The following KHDC4 variants were observed in gnomAD, a reference collection of about 807,000 sequenced individuals.
KHDC4 encodes the protein KH domain containing 4, pre-mRNA splicing factor, also known as KH homology domain-containing protein 4.
KHDC4 carries 19 observed loss-of-function variants against 74.5 expected under a neutral mutation model. That is an observed-to-expected ratio of 0.26 (90% CI 0.18 to 0.37). KHDC4 has a LOEUF of 0.37. KHDC4 is among the 10% of genes least tolerant of loss of function. The probability of loss-of-function intolerance (pLI) is 1.00; values close to 1 mark genes in which losing one functional copy is unlikely to be tolerated. For missense variants in KHDC4, 632 were observed against 754.1 expected (o/e 0.84, Z 1.90); for synonymous variants, 253 against 266.1 (o/e 0.95, Z 0.48).
intron 4 of KHDC4, among the ~76,000 whole-genome samples, chr1:155,927,833 CA>C (rs1374014371): frequency 3.0e-3 from 20 of 6,736 alleles, no homozygotes; most frequent in South Asian, 5.2e-3. Context: ...AAAAAAAAAC[CA>C]CACACACACA....
chr1:155,919,786 G>T (rs1038468775), intron 10 of KHDC4: 1 of 162,286 alleles, frequency 6.2e-6, no homozygotes, highest in African/African-American at 2.4e-5. Context: ...ACTCTAGCCT[G>T]GGTGACAGAA....
rs964096820 is a variant in KHDC4, at chr1:155,933,643, G to A, written c.245C>T (p.Ala82Val). The change falls in exon 2 of 14, where the codon GCT becomes GTT. Residue 82 changes from alanine to valine, a missense_variant. Ala to Val is a moderately conservative substitution (Grantham distance 64, BLOSUM62 0). Coordinates refer to ENST00000368321, the MANE Select transcript of KHDC4 (RefSeq NM_014949.4). ...AKGKLKPTQN[A>V]SEKLQAPGKG... ...TTCAACTTCAAATACCTTCTCAGAA[G>A]CATTCTGAGTTGGTTTCAGCTTCCC... is the stretch of plus-strand genomic sequence containing the variant. The A allele has an allele frequency of 2.5e-6, 4 of 1,603,036 alleles. No homozygotes were observed. Among genetic ancestry groups the A allele is most frequent in the Admixed American group, 3.4e-5 (2 of 59,658 alleles).
In KHDC4 at chr1:155,921,419, G is replaced by T. The variant is rs754807393; in HGVS notation, c.1222C>A (p.Gln408Lys). The change falls in exon 10 of 14, where the codon CAA becomes AAA. Residue 408 changes from glutamine to lysine, a missense_variant. Gln to Lys is a moderately conservative substitution (Grantham distance 53). Around this residue, in one of 4 missense-constraint regions of KHDC4, gnomAD observed 254 missense variants for 267.4 expected, o/e 0.95. Coordinates refer to ENST00000368321, the MANE Select transcript of KHDC4 (RefSeq NM_014949.4). ...LPTGVPPVPT[Q>K]YPITQVQPPA... Reference sequence around the variant, plus strand: ...GGCTGCACTTGTGTTATCGGGTATTGTGTTGGCACAGGTGGGACTCCAGTA... The same window carrying T: ...GGCTGCACTTGTGTTATCGGGTATTTTGTTGGCACAGGTGGGACTCCAGTA... 4 of 1,614,122 alleles carry T rather than the reference G, an allele frequency of 2.5e-6. No individual in the cohort carries two copies. The East Asian group carries it at 6.7e-5, about 27-fold the overall frequency.
chr1:155,924,775 T>C (rs1425741931), intron 7 of KHDC4, among the ~76,000 whole-genome samples: 1 of 151,480 alleles, frequency 6.6e-6, no homozygotes, highest in East Asian at 2.0e-4. Context: ...GGTTTCACCA[T>C]GTTGGCCAGG....
chr1:155,927,276 T>C lies in KHDC4; in HGVS notation c.465-120A>G, dbSNP rs1178045719. On this transcript the variant is annotated intron_variant, in intron 4 of 13. Coordinates refer to ENST00000368321, the MANE Select transcript of KHDC4 (RefSeq NM_014949.4). ...TTCCAAATAACCAAAAGGGACTATA[T>C]ACATTAGAAGGGTTTTTGCTAGCTA... The C allele has an allele frequency of 4.1e-6, 3 of 727,630 alleles. No individual in the cohort carries two copies. The Admixed American group carries it at 6.9e-5, about 17-fold the overall frequency. 45.1% of individuals were successfully genotyped at this position (727,630 alleles called of 1,614,324 possible).
rs1572007386 is a variant in KHDC4 at position 155,921,197 on chromosome 1, CAT to C, written c.1266+176_1266+177del. The C allele has an allele frequency of 9.2e-6, 6 of 650,250 alleles. No individual in the cohort carries two copies. The East Asian group carries it at 1.6e-4, about 18-fold the overall frequency. The allele number at this position is 650,250 out of a possible 1,614,324, so 40.3% of individuals were successfully genotyped here. A position where few individuals can be genotyped will look rare whatever the true frequency, so the allele number is the denominator to read the frequency against. ...TGTGAAAATATAAACTTCAGGATGA[CAT>C]ACACACATACACACTAATCCAAAAT... On this transcript the variant is annotated intron_variant, in intron 10 of 13. Transcript: ENST00000368321.
chr1:155,934,100 C>G (rs1190872722), intron 1 of KHDC4, among the ~76,000 whole-genome samples: 2 of 152,132 alleles, frequency 1.3e-5, no homozygotes, highest in Non-Finnish European at 2.9e-5. Flanking sequence ...ATCCTACACG[C>G]TCTAGTTTAC....
chr1:155,924,574 CTT>C (rs550965042), intron 7 of KHDC4, among the ~76,000 whole-genome samples: 31 of 132,226 alleles, frequency 2.3e-4, no homozygotes, highest in African/African-American at 1.7e-4. Flanking sequence ...AATAATTTCT[CTT>C]TTTTTTTTTT....
Position 155,917,660 on chromosome 1 carries a change from C to G in KHDC4, c.1279G>C (p.Gly427Arg). 1 of 1,558,166 alleles carries G rather than the reference C, an allele frequency of 6.4e-7. No individual in the cohort carries two copies. The highest frequency in any genetic ancestry group is 8.6e-7 in the Non-Finnish European group (1 of 1,156,774). The change falls in exon 11 of 14, where the codon GGT becomes CGT. Residue 427 changes from glycine to arginine, a missense_variant. Physicochemically the swap from Gly to Arg is moderately radical, Grantham distance 125. Around this residue, in one of 4 missense-constraint regions of KHDC4, gnomAD observed 254 missense variants for 267.4 expected, o/e 0.95. Transcript: ENST00000368321. ...PASTGQSPMGGPFIPAAPVKT... is the reference protein window; with the variant it reads ...PASTGQSPMGRPFIPAAPVKT... Reference sequence around the variant, plus strand: ...ACAGGAGCAGCAGGAATAAAAGGACCACCCATCGGACTCTGGGACCAAAAC... The same window carrying G: ...ACAGGAGCAGCAGGAATAAAAGGACGACCCATCGGACTCTGGGACCAAAAC...
At position 155,917,524 on chromosome 1, in the gene KHDC4, C is replaced by G; in HGVS notation, c.1415G>C (p.Arg472Pro). Residue 472 changes from arginine (R) to proline (P), a missense_variant, in exon 11 of 14, where the codon CGG becomes CCG. This residue lies in a region of KHDC4 where 254 missense variants were observed against 267.4 expected (regional missense o/e 0.95). Coordinates refer to ENST00000368321, the MANE Select transcript of KHDC4 (RefSeq NM_014949.4). ...RRFTEELPDERESGLLGYQHG... is the reference protein window; with the variant it reads ...RRFTEELPDEPESGLLGYQHG... ...CTGGTATCCAAGCAGTCCAGATTCC[C>G]GTTCATCTGGTAGCTCCTCTGTGAA... is the stretch of plus-strand genomic sequence containing the variant. 1.3e-6 allele frequency: 2 copies of G among 1,531,336 alleles called. No individual in the cohort carries two copies. Among genetic ancestry groups the G allele is most frequent in the Non-Finnish European group, 1.8e-6 (2 of 1,129,082 alleles). 94.9% of individuals were successfully genotyped at this position (1,531,336 alleles called of 1,614,324 possible). A position where few individuals can be genotyped will look rare whatever the true frequency, so the allele number is the denominator to read the frequency against.
At chr1:155,927,875 A>ACACACACACAC (rs1557970782) in intron 4 of KHDC4, among the ~76,000 whole-genome samples, 13 of 71,622 alleles carry the variant, frequency 1.8e-4, no homozygotes, top group African/African-American at 6.8e-4. Context: ...CACACACACA[A>ACACACACACAC]AATTAATGGG....
At chr1:155,931,290 C>CAAAAA (rs55769714) in intron 2 of KHDC4, among the ~76,000 whole-genome samples, 1 of 109,636 alleles carries the variant, frequency 9.1e-6, no homozygotes, top group Non-Finnish European at 1.8e-5. Context: ...ACTCTATCAC[C>CAAAAA]AAAAAAAAAA....
intron 4 of KHDC4, among the ~76,000 whole-genome samples, chr1:155,928,593 C>CAAAAAAAAAAAAAA (rs10555758): frequency 2.2e-5 from 2 of 89,332 alleles, no homozygotes; most frequent in Non-Finnish European, 4.5e-5. Flanking sequence ...ATCATAAAGA[C>CAAAAAAAAAAAAAA]AAAAAAAAAA....
At position 155,933,722 on chromosome 1, in the gene KHDC4, A is replaced by C. The variant is rs2102612072; in HGVS notation, c.166T>G (p.Leu56Val). The C allele has an allele frequency of 6.2e-7, 1 of 1,611,738 alleles. No individual in the cohort carries two copies. The highest frequency in any genetic ancestry group is 2.2e-5 in the East Asian group (1 of 44,820). Residue 56 changes from leucine (L) to valine (V), a missense_variant, in exon 2 of 14, where the codon TTG becomes GTG. By Grantham distance (32) the Leu-to-Val change is conservative (BLOSUM62 1). Transcript: ENST00000368321. ...GGTTAAPSGA[L>V]DAAAAVAAKI... ...GCAGCCACAGCAGCAGCAGCATCCA[A>C]GGCTCCTGAAGGAGCAGCTGTGGTG...
intron 10 of KHDC4, among the ~76,000 whole-genome samples, chr1:155,920,790 G>A (rs488079): frequency 0.51 from 78,270 of 152,042 alleles, 23,259 homozygotes; most frequent in Non-Finnish European, 0.67. Flanking sequence ...GGCCTCCCCA[G>A]ATGCTGAGAT....
At position 155,921,931 on chromosome 1, in the gene KHDC4, G is replaced by A; in HGVS notation, c.955-13C>T. On this transcript the variant is annotated splice_polypyrimidine_tract_variant and intron_variant, in intron 8 of 13. Transcript: ENST00000368321. Reference sequence around the variant, plus strand: ...ATTCAGCATGAACCTGAAAGAGAGGGGGAAACAAATTAACATGGGACAGCC... The same window carrying A: ...ATTCAGCATGAACCTGAAAGAGAGGAGGAAACAAATTAACATGGGACAGCC... The A allele has an allele frequency of 4.4e-6, 7 of 1,588,344 alleles. No homozygotes were observed. The highest frequency in any genetic ancestry group is 6.0e-6 in the Non-Finnish European group (7 of 1,158,314).
At chr1:155,926,292 C>T (rs1287445723) in intron 6 of KHDC4, among the ~76,000 whole-genome samples, 3 of 146,734 alleles carry the variant, frequency 2.0e-5, no homozygotes, top group Non-Finnish European at 3.0e-5. Context: ...TGGAATTTCA[C>T]GATTTTTTTT....
intron 5 of KHDC4, 110 bp downstream of exon 5, chr1:155,926,994 C>G: frequency 7.6e-7 from 1 of 1,322,042 alleles, no homozygotes; most frequent in Non-Finnish European, 1.1e-6. Context: ...GTGTATAGTT[C>G]ATGAACAAGG....
At chr1:155,914,538 CAG>C (rs1179955203) in intron 13 of KHDC4, 6 of 386,092 alleles carry the variant, frequency 1.6e-5, no homozygotes, top group East Asian at 3.6e-5. Context: ...TGTAAGAAAA[CAG>C]AGAAAGAAAA....
Sources: gnomAD v4.1 joint callset for allele counts (sites outside exome capture counted in the v4.1 genomes callset) on GRCh38, gnomAD v4.1.1 for gene constraint, gnomAD v4.1.1 regional missense constraint, MANE v1.5 for transcripts, NCBI Gene and HGNC (gene_info 2026-07-23, HGNC 2026-07-21) for gene names.